The following PLXDC2 variants were observed in gnomAD, a reference collection of about 807,000 sequenced individuals.
PLXDC2 encodes plexin domain containing 2.
A neutral mutation model predicts 68.9 loss-of-function variants in PLXDC2; 40 were observed. The observed-to-expected ratio is 0.58, with a 90% CI of 0.45 to 0.76. The LOEUF is 0.76. Among genes scored for constraint, PLXDC2 ranks in the 30% least tolerant of loss-of-function variants. The probability of loss-of-function intolerance (pLI) is 0.00; values close to 1 mark genes in which losing one functional copy is unlikely to be tolerated. For synonymous variants in PLXDC2, 243 were observed against 234.2 expected (o/e 1.04, Z -0.34); for missense variants, 644 against 661.9 (o/e 0.97, Z 0.30).
chr10:20,067,995 T>G (rs1260401996), intron 3 of PLXDC2, among the ~76,000 whole-genome samples, 175 bp from the exon 4 acceptor site: 2 of 152,178 alleles, frequency 1.3e-5, no homozygotes, highest in Admixed American at 6.5e-5. Context: ...TTCAAAACTT[T>G]AATTACCAGA....
intron 4 of PLXDC2, among the ~76,000 whole-genome samples, chr10:20,112,682 C>T (rs1833574476): frequency 6.6e-6 from 1 of 152,218 alleles, no homozygotes; most frequent in Non-Finnish European, 1.5e-5. Flanking sequence ...GAAATTTTCT[C>T]ACTTTGCCTT....
chr10:20,177,997 T>C (rs1466867424), intron 9 of PLXDC2, among the ~76,000 whole-genome samples: 1 of 152,090 alleles, frequency 6.6e-6, no homozygotes, highest in Non-Finnish European at 1.5e-5. Flanking sequence ...AGGATGATTA[T>C]AGAGCAGTTG....
intron 2 of PLXDC2, among the ~76,000 whole-genome samples, chr10:20,016,384 A>G (rs1835211126): frequency 1.3e-5 from 2 of 152,210 alleles, no homozygotes; most frequent in Admixed American, 1.3e-4. Context: ...CAAGAAGTAG[A>G]ACTAGGTTGC....
At chr10:19,866,995 C>A (rs1837429644) in intron 1 of PLXDC2, among the ~76,000 whole-genome samples, 1 of 151,536 alleles carries the variant, frequency 6.6e-6, no homozygotes, top group Non-Finnish European at 1.5e-5. Context: ...TTTCCTCTAT[C>A]CAGGTGACCC....
chr10:19,844,377 C>T (rs1010698768), intron 1 of PLXDC2, among the ~76,000 whole-genome samples: 1 of 152,048 alleles, frequency 6.6e-6, no homozygotes, highest in African/African-American at 2.4e-5. Flanking sequence ...TGGACATTTT[C>T]CTGGATGCTC....
chr10:20,053,166 C>T (rs1015686074), intron 3 of PLXDC2, among the ~76,000 whole-genome samples: 1 of 152,062 alleles, frequency 6.6e-6, no homozygotes, highest in Non-Finnish European at 1.5e-5. Flanking sequence ...GTATCTCTTT[C>T]CTTTTATCAT....
intron 9 of PLXDC2, among the ~76,000 whole-genome samples, chr10:20,208,207 T>C (rs750162048): frequency 6.6e-6 from 1 of 152,084 alleles, no homozygotes; most frequent in Non-Finnish European, 1.5e-5. Flanking sequence ...TAAAGACATA[T>C]CTTAGACTGG....
At chr10:20,178,583 C>T (rs748961802) in intron 9 of PLXDC2, among the ~76,000 whole-genome samples, 10 of 152,038 alleles carry the variant, frequency 6.6e-5, no homozygotes, top group Non-Finnish European at 1.3e-4. Flanking sequence ...CCCGAGCTTT[C>T]GGTTGTATGA....
At chr10:19,956,321 T>C (rs943354001) in intron 1 of PLXDC2, among the ~76,000 whole-genome samples, 4 of 152,136 alleles carry the variant, frequency 2.6e-5, no homozygotes, top group African/African-American at 9.7e-5. Flanking sequence ...CAATGTAACA[T>C]ATCTCAGTAA....
At chr10:20,021,160 GCT>G (rs1488496716) in intron 2 of PLXDC2, among the ~76,000 whole-genome samples, 1 of 151,922 alleles carries the variant, frequency 6.6e-6, no homozygotes, top group African/African-American at 2.4e-5. Context: ...AAAAGCCTTT[GCT>G]CAAAATCTTC....
At chr10:19,952,797 A>G (rs1834011346) in intron 1 of PLXDC2, among the ~76,000 whole-genome samples, 1 of 152,244 alleles carries the variant, frequency 6.6e-6, no homozygotes, top group Non-Finnish European at 1.5e-5. Context: ...GATTTTCCAG[A>G]AGGAAATAAG....
chr10:20,064,761 C>G (rs927170704), intron 3 of PLXDC2, among the ~76,000 whole-genome samples: 1 of 152,134 alleles, frequency 6.6e-6, no homozygotes. Context: ...AGATGTCTCT[C>G]ACTCACTCCC....
intron 9 of PLXDC2, among the ~76,000 whole-genome samples, chr10:20,205,745 C>A (rs1299269565): frequency 6.6e-6 from 1 of 152,042 alleles, no homozygotes; most frequent in East Asian, 1.9e-4. Flanking sequence ...GTTACTTAAT[C>A]TTTACTAGAC....
In PLXDC2 at chr10:19,927,713, C is replaced by CAAAAAAAA. The variant is rs35250324; in HGVS notation, c.113-74044_113-74037dup. On this transcript the variant is annotated intron_variant, in intron 1 of 13. Coordinates refer to ENST00000377252, the MANE Select transcript of PLXDC2 (RefSeq NM_032812.9). ...GAGACTCCATCTCAAGGAAAAAAAG[C>CAAAAAAAA]AAAAAAAAAAAAAAAAAAAAAAAAA... Among the ~76,000 whole-genome samples the CAAAAAAAA allele has an allele frequency of 8.8e-4, 47 of 53,148 alleles. 1 individual carries two copies. The highest frequency in any genetic ancestry group is 1.1e-3 in the South Asian group (1 of 888). 34.9% of individuals were successfully genotyped at this position (53,148 alleles called of 152,430 possible).
At chr10:19,853,998 G>A (rs567717156) in intron 1 of PLXDC2, among the ~76,000 whole-genome samples, 2 of 152,304 alleles carry the variant, frequency 1.3e-5, no homozygotes, top group South Asian at 4.1e-4. Context: ...CACCGGAGGT[G>A]TTGTGACTCC....
At chr10:20,002,860 A>T (rs1378580775) in intron 2 of PLXDC2, among the ~76,000 whole-genome samples, 1 of 152,134 alleles carries the variant, frequency 6.6e-6, no homozygotes, top group Admixed American at 6.5e-5. Flanking sequence ...GGACTGTCTC[A>T]TAGGGTGACC....
At chr10:20,038,576 T>G (rs1413596755) in intron 2 of PLXDC2, among the ~76,000 whole-genome samples, 1 of 152,228 alleles carries the variant, frequency 6.6e-6, no homozygotes, top group African/African-American at 2.4e-5. Flanking sequence ...TACTGAAGTC[T>G]ATTCAAAGCT....
At position 19,827,751 on chromosome 10, in the gene PLXDC2, G is replaced by A. The variant is rs1387609856; in HGVS notation, c.112+10560G>A. Among the ~76,000 whole-genome samples the A allele has an allele frequency of 3.3e-5, 5 of 152,028 alleles. No individual in the cohort carries two copies. In the East Asian group the frequency reaches 9.7e-4, roughly 29 times the overall value. On this transcript the variant is annotated intron_variant, in intron 1 of 13. Transcript: ENST00000377252. ...TTTGTGTATTTTTAGTAGAGATGGG[G>A]TTTCACCATGTTGGCCAAGCTGGTC...
rs574905239 is a variant in PLXDC2 at position 19,901,485 on chromosome 10, T to C, written c.112+84294T>C. On this transcript the variant is annotated intron_variant, in intron 1 of 13. Coordinates refer to ENST00000377252, the MANE Select transcript of PLXDC2 (RefSeq NM_032812.9). ...CCATTTGTATATCTTCTTTTGAGAA[T>C]TGTCTATTCGTGTCCTTAGCCTACT... is the stretch of plus-strand genomic sequence containing the variant. 2.6e-5 allele frequency among the ~76,000 whole-genome samples: 4 copies of C among 152,280 alleles called. No individual in the cohort carries two copies. The South Asian group carries it at 8.3e-4, about 32-fold the overall frequency.
Sources: allele counts gnomAD v4.1 joint callset (sites outside exome capture counted in the v4.1 genomes callset), GRCh38; gene constraint gnomAD v4.1.1; transcripts MANE v1.5; gene names NCBI Gene and HGNC (gene_info 2026-07-23, HGNC 2026-07-21).